Variants in IL7 observed in about 807,000 individuals in gnomAD.
IL7 encodes interleukin 7, also known as interleukin-7.
IL7 carries 3 observed loss-of-function variants against 21.6 expected under a neutral mutation model. That is an observed-to-expected ratio of 0.14 (90% confidence interval 0.06 to 0.36). The LOEUF (loss-of-function observed/expected upper bound fraction) is 0.36. Among genes scored for constraint, IL7 ranks in the 10% least tolerant of loss-of-function variants. The probability of loss-of-function intolerance (pLI) is 1.00; values close to 1 mark genes in which losing one functional copy is unlikely to be tolerated. For synonymous variants in IL7, 62 were observed against 68.1 expected (o/e 0.91, Z 0.44); for missense variants, 175 against 200.2 (o/e 0.87, Z 0.76).
intron 2 of IL7, among the ~76,000 whole-genome samples, chr8:78,743,573 C>T (rs1811872504): frequency 6.6e-6 from 1 of 151,940 alleles, no homozygotes; most frequent in African/African-American, 2.4e-5. Context: ...ACTATTAATA[C>T]TTGTGATTGC....
Position 78,804,922 on chromosome 8 carries a change from T to TG in IL7, c.-1dup. ...GGAGAAGAGCGCTTACCATGGAACA[T>TG]GGTCTGCGGGAGGCGGGCGTAGTCA... On this transcript the variant is annotated 5_prime_UTR_variant, in exon 1 of 6. Coordinates refer to ENST00000263851, the MANE Select transcript of IL7 (RefSeq NM_000880.4). 6.2e-7 allele frequency: 1 copy of TG among 1,612,622 alleles called. No homozygotes were observed. Among genetic ancestry groups the TG allele is most frequent in the Non-Finnish European group, 8.5e-7 (1 of 1,179,080 alleles).
intron 4 of IL7, among the ~76,000 whole-genome samples, chr8:78,677,393 G>A (rs1037733942): frequency 6.6e-6 from 1 of 151,950 alleles, no homozygotes; most frequent in African/African-American, 2.4e-5. Context: ...CACTAGATAA[G>A]CTCAAGAAAA....
intron 2 of IL7, among the ~76,000 whole-genome samples, chr8:78,741,472 G>A (rs75170348): frequency 0.015 from 2,269 of 152,124 alleles, 46 homozygotes; most frequent in African/African-American, 0.052. Flanking sequence ...AAGGTGAAAC[G>A]TGTAGCTACT....
Position 78,687,833 on chromosome 8 carries a change from TAAATTA to T in IL7, n.215-1892_215-1887del, listed in dbSNP as rs1404142325. On this transcript the variant is annotated intron_variant and non_coding_transcript_variant, in intron 3 of 4. Transcript: ENST00000523959. ...GTAATAAATATATATATTCATGTAATAAATTATATATATATTTATATAATATATATC... is the reference window on the plus strand; with the variant it reads ...GTAATAAATATATATATTCATGTAATTATATATATTTATATAATATATATC... Among the ~76,000 whole-genome samples the T allele has an allele frequency of 5.7e-5, 4 of 70,188 alleles. No homozygotes were observed. The Admixed American group carries it at 7.7e-4, about 13-fold the overall frequency. The allele number at this position is 70,188 out of a possible 152,430, so 46.0% of individuals were successfully genotyped here. A position where few individuals can be genotyped will look rare whatever the true frequency, so the allele number is the denominator to read the frequency against.
chr8:78,749,082 T>C lies in IL7; in HGVS notation c.148-9000A>G, dbSNP rs1053377723. Among the ~76,000 whole-genome samples, 4 of 152,126 alleles carry C rather than the reference T, an allele frequency of 2.6e-5. No homozygotes were observed. The South Asian group carries it at 8.3e-4, about 31-fold the overall frequency. ...GAAGTTTAACTGTCATTTAACTGAC[T>C]TTCTGGATGATCAATAGTTTCTATT... On this transcript the variant is annotated intron_variant, in intron 2 of 5. Transcript: ENST00000263851.
At chr8:78,692,220 A>G (rs77958574) in intron 3 of IL7, among the ~76,000 whole-genome samples, 3,258 of 152,158 alleles carry the variant, frequency 0.021, 119 homozygotes, top group African/African-American at 0.068. Flanking sequence ...AGCCTCTGGT[A>G]CTACCATTCA....
intron 3 of IL7, among the ~76,000 whole-genome samples, chr8:78,712,411 G>GT (rs959249787): frequency 2.6e-5 from 4 of 151,648 alleles, no homozygotes; most frequent in Admixed American, 6.6e-5. Context: ...AGTAATTAGG[G>GT]TTTTTTGTAA....
At chr8:78,721,756 G>C (rs1206281205) in intron 3 of IL7, among the ~76,000 whole-genome samples, 2 of 151,714 alleles carry the variant, frequency 1.3e-5, no homozygotes, top group Admixed American at 6.6e-5. Flanking sequence ...TTTTTGAAAA[G>C]GTCGATTAAA....
At chr8:78,798,021 T>C (rs1343232688) in intron 2 of IL7, 51 bp downstream of exon 2, 2 of 1,490,194 alleles carry the variant, frequency 1.3e-6, no homozygotes, top group East Asian at 4.6e-5. Context: ...CCAAAAAGGT[T>C]CAAATTTTCC....
intron 2 of IL7, among the ~76,000 whole-genome samples, chr8:78,797,024 A>G (rs1328612631): frequency 6.6e-6 from 1 of 152,066 alleles, no homozygotes; most frequent in Non-Finnish European, 1.5e-5. Context: ...TCAGTGAAAA[A>G]ATAAACAAGT....
At chr8:78,700,687 G>A (rs1292450258) in intron 3 of IL7, among the ~76,000 whole-genome samples, 1 of 152,098 alleles carries the variant, frequency 6.6e-6, no homozygotes, top group East Asian at 1.9e-4. Context: ...TGTATATGGT[G>A]GAAGGAAGGG....
intron 3 of IL7, among the ~76,000 whole-genome samples, chr8:78,739,025 G>A (rs945989236): frequency 6.6e-6 from 1 of 152,046 alleles, no homozygotes; most frequent in African/African-American, 2.4e-5. Context: ...AGTATTTCTT[G>A]CATCTTTTGA....
chr8:78,746,927 T>C (rs1811997703), intron 2 of IL7: 1 of 401,348 alleles, frequency 2.5e-6, no homozygotes. Context: ...AGGACAGTTT[T>C]CTTCTGAATT....
intron 1 of IL7, among the ~76,000 whole-genome samples, chr8:78,801,459 A>C (rs1412412395): frequency 6.6e-6 from 1 of 152,160 alleles, no homozygotes; most frequent in Non-Finnish European, 1.5e-5. Flanking sequence ...TGGGAGGCTG[A>C]GGCAGGAGGA....
At chr8:78,708,568 AAAG>A (rs1436374626) in intron 3 of IL7, among the ~76,000 whole-genome samples, 3 of 152,162 alleles carry the variant, frequency 2.0e-5, no homozygotes, top group Non-Finnish European at 4.4e-5. Flanking sequence ...AATGTAAAAA[AAAG>A]CAATCAAATC....
intron 2 of IL7, among the ~76,000 whole-genome samples, chr8:78,781,015 T>A (rs1246483328): frequency 6.6e-6 from 1 of 152,212 alleles, no homozygotes; most frequent in African/African-American, 2.4e-5. Context: ...TTTATTGGTT[T>A]AAAGTCTGTT....
chr8:78,802,853 T>A (rs1326122439), intron 1 of IL7, among the ~76,000 whole-genome samples: 1 of 152,184 alleles, frequency 6.6e-6, no homozygotes, highest in East Asian at 1.9e-4. Flanking sequence ...TAACCATATA[T>A]GTGTAGTCAA....
chr8:78,687,448 CTATATATACATAATTA>C (rs1810023802), intron 3 of IL7, among the ~76,000 whole-genome samples: 1 of 143,814 alleles, frequency 7.0e-6, no homozygotes, highest in South Asian at 2.1e-4. Flanking sequence ...AAGCCATAGA[CTATATATACATAATTA>C]TATATATATT....
At chr8:78,746,024 A>G (rs1362015264) in intron 2 of IL7, among the ~76,000 whole-genome samples, 1 of 152,212 alleles carries the variant, frequency 6.6e-6, no homozygotes, top group African/African-American at 2.4e-5. Flanking sequence ...AGATAATCCA[A>G]AATAAACTTA....
Sources: allele counts gnomAD v4.1 joint callset (sites outside exome capture counted in the v4.1 genomes callset), GRCh38; gene constraint gnomAD v4.1.1; transcripts MANE v1.5; gene names NCBI Gene and HGNC (gene_info 2026-07-23, HGNC 2026-07-21).